Variants in NAXD observed in about 807,000 individuals in gnomAD.
NAXD encodes the protein ATP-dependent (S)-NAD(P)H-hydrate dehydratase.
A neutral mutation model predicts 35.8 loss-of-function variants in NAXD; 22 were observed. The observed-to-expected ratio is 0.62, with a 90% CI of 0.44 to 0.88. The LOEUF (loss-of-function observed/expected upper bound fraction) is 0.88. Among genes scored for constraint, NAXD ranks in the 40% least tolerant of loss-of-function variants. NAXD has a pLI of 0.00. For synonymous variants in NAXD, 189 were observed against 177.6 expected (o/e 1.06, Z -0.51); for missense variants, 428 against 437.7 (o/e 0.98, Z 0.20).
intron 5 of NAXD, among the ~76,000 whole-genome samples, chr13:110,633,490 T>C (rs11620520): frequency 0.12 from 18,095 of 152,176 alleles, 1,458 homozygotes; most frequent in Admixed American, 0.26. Flanking sequence ...AGTGCAGTGG[T>C]GGGCTGAAGG....
At position 110,638,444 on chromosome 13, in the gene NAXD, C is replaced by T. The variant is rs778057370; in HGVS notation, c.906C>T (p.Ala302=). The T allele has an allele frequency of 3.1e-6, 5 of 1,613,458 alleles. No individual in the cohort carries two copies. The Admixed American group carries it at 8.3e-5, about 27-fold the overall frequency. Residue 302 remains alanine (A), a synonymous_variant, in exon 10 of 10, where the codon GCC becomes GCT. Transcript: ENST00000680254. The surrounding 1 kb of genome is among the most constrained non-coding windows in gnomAD (Gnocchi z 5.4). The part of the protein sequence containing the change: ...CSLTRQCNHQ[A]FQKHGRSTTT... Reference sequence around the variant, plus strand: ...TCACCAGGCAGTGCAACCACCAAGCCTTCCAGAAGCACGGTCGCTCCACCA... The same window carrying T: ...TCACCAGGCAGTGCAACCACCAAGCTTTCCAGAAGCACGGTCGCTCCACCA...
chr13:110,633,462 C>T (rs563160730), intron 5 of NAXD, among the ~76,000 whole-genome samples: 92 of 152,344 alleles, frequency 6.0e-4, no homozygotes, highest in African/African-American at 2.1e-3. Context: ...CTTGGCCAGC[C>T]CAGAAAGGGG....
At chr13:110,624,562 G>A (rs1886390428) in intron 3 of NAXD, among the ~76,000 whole-genome samples, 1 of 152,154 alleles carries the variant, frequency 6.6e-6, no homozygotes, top group Non-Finnish European at 1.5e-5. Context: ...GGGTTCAAGC[G>A]ATTCTCCTGC....
At chr13:110,633,209 G>A (rs577370499) in intron 5 of NAXD, among the ~76,000 whole-genome samples, 5 of 152,312 alleles carry the variant, frequency 3.3e-5, no homozygotes, top group South Asian at 2.1e-4. Flanking sequence ...GAGAAATTGA[G>A]CACAGTGCCG....
At position 110,627,581 on chromosome 13, in the gene NAXD, A is replaced by G. The variant is rs543549091; in HGVS notation, c.441+34A>G. 3.2e-5 allele frequency: 47 copies of G among 1,461,840 alleles called. No individual in the cohort carries two copies. In the East Asian group the frequency reaches 1.1e-3, roughly 33 times the overall value. The allele number at this position is 1,461,840 out of a possible 1,614,324, so 90.6% of individuals were successfully genotyped here. On this transcript the variant is annotated intron_variant, in intron 5 of 9. Transcript: ENST00000680254. ...TATACTCACTCACTTCCCTCATGAC[A>G]GGCTTAGCCTTAGGCGTGAAGTTGG... is the stretch of plus-strand genomic sequence containing the variant.
At chr13:110,627,356 CAAAAT>C (rs1886522847) in intron 4 of NAXD, 78 bp from the exon 5 acceptor site, 2 of 848,494 alleles carry the variant, frequency 2.4e-6, no homozygotes, top group South Asian at 3.3e-5. Context: ...GTTATTTTTT[CAAAAT>C]AAAATGTAAA....
At chr13:110,631,001 TTG>T (rs2139645438) in intron 5 of NAXD, among the ~76,000 whole-genome samples, 1 of 152,316 alleles carries the variant, frequency 6.6e-6, no homozygotes, top group South Asian at 2.1e-4. Context: ...CATTCCAGTT[TTG>T]GATCAGCTTG....
intron 2 of NAXD, among the ~76,000 whole-genome samples, 174 bp downstream of exon 2, chr13:110,622,540 T>C (rs1213278673): frequency 1.3e-5 from 2 of 152,212 alleles, no homozygotes; most frequent in African/African-American, 2.4e-5. Context: ...GAAATAACTC[T>C]GAGGAGCCCT....
At chr13:110,623,956 C>T (rs1343341102) in intron 2 of NAXD, among the ~76,000 whole-genome samples, 9 of 149,310 alleles carry the variant, frequency 6.0e-5, no homozygotes, top group Non-Finnish European at 1.3e-4. Flanking sequence ...GAGCCAAGAT[C>T]GTGCCATTGC....
rs771902235 is a variant in NAXD, at chr13:110,624,250, T to A, written c.214T>A (p.Tyr72Asn). The stretch of plus-strand genomic sequence containing the variant: ...TCTTTTTAGGTACACTGGAGCCCCA[T>A]ATTTTGCAGCAATCTCAGCTCTCAA... ...GGCQEYTGAP[Y>N]FAAISALKVG... The change falls in exon 3 of 10, where the codon TAT becomes AAT. Residue 72 changes from tyrosine to asparagine, a missense_variant. Physicochemically the swap from Tyr to Asn is moderately radical, Grantham distance 143. Coordinates refer to ENST00000680254, the MANE Select transcript of NAXD (RefSeq NM_001242882.2). The A allele has an allele frequency of 6.8e-6, 11 of 1,609,638 alleles. No homozygotes were observed. Among genetic ancestry groups the A allele is most frequent in the Non-Finnish European group, 9.3e-6 (11 of 1,176,678 alleles).
intron 1 of NAXD, among the ~76,000 whole-genome samples, chr13:110,620,254 G>A (rs1886208265): frequency 6.6e-6 from 1 of 151,544 alleles, no homozygotes; most frequent in African/African-American, 2.4e-5. Flanking sequence ...ATTCTGTGCC[G>A]GGTCTTGTGT....
At chr13:110,617,985 G>A (rs1384270604) in intron 1 of NAXD, among the ~76,000 whole-genome samples, 3 of 152,170 alleles carry the variant, frequency 2.0e-5, no homozygotes, top group Non-Finnish European at 2.9e-5. Flanking sequence ...CACATTCCTC[G>A]TGGGCAGGCA....
At chr13:110,631,901 G>A (rs1886706960) in intron 5 of NAXD, among the ~76,000 whole-genome samples, 1 of 152,196 alleles carries the variant, frequency 6.6e-6, no homozygotes, top group South Asian at 2.1e-4. Flanking sequence ...AGGCTGAAAT[G>A]AGCACTTTGT....
At position 110,638,096 on chromosome 13, in the gene NAXD, G is replaced by C; in HGVS notation, c.840-282G>C. 4 of 807,480 alleles carry C rather than the reference G, an allele frequency of 5.0e-6. No individual in the cohort carries two copies. The highest frequency in any genetic ancestry group is 1.7e-5 in the South Asian group (1 of 59,352). The allele number at this position is 807,480 out of a possible 1,614,324, so 50.0% of individuals were successfully genotyped here. A position where few individuals can be genotyped will look rare whatever the true frequency, so the allele number is the denominator to read the frequency against. ...CAGGGCTAAGCAGCTTGTGCCGCCT[G>C]GCTTTCCCCGGGAACACCTGGCCCA... is the stretch of plus-strand genomic sequence containing the variant. On this transcript the variant is annotated intron_variant, in intron 9 of 9. Coordinates refer to ENST00000680254, the MANE Select transcript of NAXD (RefSeq NM_001242882.2). This position sits in a 1 kb window ranked among gnomAD's most constrained non-coding sequence, Gnocchi z 5.4.
upstream of NAXD, chr13:110,615,544 C>T (rs1304307063): frequency 3.7e-6 from 5 of 1,334,606 alleles, no homozygotes; most frequent in African/African-American, 3.1e-5. Context: ...AAAACGCTTC[C>T]AATGGCTGTG....
At chr13:110,625,316 T>TC (rs755957952) in intron 4 of NAXD, 38 bp downstream of exon 4, 1 of 1,400,836 alleles carries the variant, frequency 7.1e-7, no homozygotes, top group Non-Finnish European at 1.0e-6. Flanking sequence ...AGGTTCTCTT[T>TC]CCCTCCTGCA....
chr13:110,622,889 G>A (rs1886321110), intron 2 of NAXD, among the ~76,000 whole-genome samples: 1 of 152,126 alleles, frequency 6.6e-6, no homozygotes, highest in African/African-American at 2.4e-5. Context: ...GTTTCTGCTT[G>A]CTTTCTGTTT....
At chr13:110,627,718 A>G (rs1238190232) in intron 5 of NAXD, among the ~76,000 whole-genome samples, 171 bp downstream of exon 5, 5 of 152,170 alleles carry the variant, frequency 3.3e-5, no homozygotes, top group African/African-American at 1.2e-4. Context: ...GTGGGGAGGA[A>G]CTGTGCTGAG....
chr13:110,635,574 C>G lies in NAXD; in HGVS notation c.704C>G (p.Ser235Cys), dbSNP rs761675334. ...VVQKGERDILSNGQQVLVCSQ... is the reference protein window; with the variant it reads ...VVQKGERDILCNGQQVLVCSQ... ...CAGAAAGGAGAGCGCGACATCCTCT[C>G]CAACGGCCAGCAGGGTGAGTGGCGG... is the stretch of plus-strand genomic sequence containing the variant. The change falls in exon 8 of 10, where the codon TCC (serine) becomes TGC (cysteine). Residue 235 changes from serine to cysteine, a missense_variant. Ser to Cys is a moderately radical substitution (Grantham distance 112). Transcript: ENST00000680254. The G allele has an allele frequency of 7.4e-6, 12 of 1,614,120 alleles. No homozygotes were observed. In the East Asian group the frequency reaches 2.7e-4, roughly 36 times the overall value.
Sources: gnomAD v4.1 joint callset for allele counts (sites outside exome capture counted in the v4.1 genomes callset) on GRCh38, gnomAD v4.1.1 for gene constraint, Gnocchi (gnomAD v3.1) non-coding constraint, MANE v1.5 for transcripts, NCBI Gene and HGNC (gene_info 2026-07-23, HGNC 2026-07-21) for gene names.